RALYL: variants seen among roughly 807,000 people sequenced by gnomAD.
RALYL encodes the protein RNA-binding Raly-like protein.
Under a neutral mutation model 35.1 loss-of-function variants are expected in RALYL, and 29 were observed. The ratio of observed to expected loss-of-function variants is 0.83; its 90% CI spans 0.61 to 1.13. The LOEUF is 1.13. Among genes scored for constraint, RALYL ranks in the 50% most tolerant of loss-of-function variants. The pLI is 0.00. For synonymous variants in RALYL, 120 were observed against 127.6 expected (o/e 0.94, Z 0.40); for missense variants, 359 against 360.4 (o/e 1.00, Z 0.03).
chr8:84,631,485 A>G (rs1029717008), intron 2 of RALYL, among the ~76,000 whole-genome samples: 1 of 152,032 alleles, frequency 6.6e-6, no homozygotes, highest in Admixed American at 6.6e-5. Context: ...AAATTATATG[A>G]AAATCTTTTG....
intron 4 of RALYL, among the ~76,000 whole-genome samples, chr8:84,816,081 A>C (rs937850122): frequency 4.6e-5 from 7 of 151,738 alleles, no homozygotes; most frequent in Non-Finnish European, 1.0e-4. Flanking sequence ...GTGAATAAGC[A>C]CAGAGTGATC....
At chr8:84,599,193 C>T (rs1815313208) in intron 2 of RALYL, among the ~76,000 whole-genome samples, 1 of 151,946 alleles carries the variant, frequency 6.6e-6, no homozygotes, top group South Asian at 2.1e-4. Flanking sequence ...TTGCCATTCT[C>T]TTTATTATCA....
chr8:84,322,522 A>G (rs1845056894), intron 1 of RALYL, among the ~76,000 whole-genome samples: 1 of 152,098 alleles, frequency 6.6e-6, no homozygotes, highest in Admixed American at 6.6e-5. Context: ...TCATTTGCAG[A>G]TGAGGAAACT....
chr8:84,661,873 C>G (rs1192957878), intron 2 of RALYL, among the ~76,000 whole-genome samples: 1 of 151,326 alleles, frequency 6.6e-6, no homozygotes, highest in Non-Finnish European at 1.5e-5. Flanking sequence ...AGGAATTATG[C>G]AAAACCCCTT....
At chr8:84,759,886 A>G (rs147081937) in intron 2 of RALYL, among the ~76,000 whole-genome samples, 222 of 152,258 alleles carry the variant, frequency 1.5e-3, no homozygotes, top group Middle Eastern at 6.8e-3. Context: ...GATAAACAAT[A>G]TCTTTTTAAA....
At chr8:84,636,726 G>A (rs558631847) in intron 2 of RALYL, among the ~76,000 whole-genome samples, 1 of 151,806 alleles carries the variant, frequency 6.6e-6, no homozygotes, top group African/African-American at 2.4e-5. Flanking sequence ...CTTTTAGACT[G>A]GTTTCTTTTT....
chr8:84,276,950 C>G (rs1217521494), intron 1 of RALYL, among the ~76,000 whole-genome samples: 1 of 152,114 alleles, frequency 6.6e-6, no homozygotes, highest in Non-Finnish European at 1.5e-5. Context: ...AAAAAATAAA[C>G]AGATAATTTT....
intron 1 of RALYL, among the ~76,000 whole-genome samples, chr8:84,207,104 A>G (rs141430893): frequency 0.012 from 1,856 of 152,228 alleles, 44 homozygotes; most frequent in African/African-American, 0.043. Context: ...AGAAAACAGT[A>G]TGGAGATTAC....
intron 1 of RALYL, among the ~76,000 whole-genome samples, chr8:84,497,970 T>C (rs1192710637): frequency 2.2e-5 from 3 of 138,734 alleles, no homozygotes; most frequent in Non-Finnish European, 4.8e-5. Flanking sequence ...TTTTTTTTTT[T>C]TGTTTTCAAC....
chr8:84,801,368 T>A (rs1198174077), intron 3 of RALYL, among the ~76,000 whole-genome samples: 4 of 152,196 alleles, frequency 2.6e-5, no homozygotes, highest in Non-Finnish European at 5.9e-5. Context: ...AGACCCATCA[T>A]CAGAAGACTT....
Position 84,326,282 on chromosome 8 carries a change from T to C in RALYL, c.-24+141858T>C, listed in dbSNP as rs548068769. Among the ~76,000 whole-genome samples, 7 of 152,246 alleles carry C rather than the reference T, an allele frequency of 4.6e-5. No homozygotes were observed. The South Asian group carries it at 1.4e-3, about 32-fold the overall frequency. The stretch of plus-strand genomic sequence containing the variant: ...ACATTCCACTTATTTATTCCTCTAA[T>C]CCTTATACTGTTTTAGATAATATGT... On this transcript the variant is annotated intron_variant, in intron 1 of 8. Coordinates refer to ENST00000521268, the MANE Select transcript of RALYL (RefSeq NM_173848.7).
At chr8:84,338,043 C>T (rs530100522) in intron 1 of RALYL, among the ~76,000 whole-genome samples, 1 of 151,972 alleles carries the variant, frequency 6.6e-6, no homozygotes, top group Non-Finnish European at 1.5e-5. Context: ...TAAACGAGTG[C>T]ACCAAGAAAT....
At chr8:84,899,760 T>C (rs1462804292) in intron 8 of RALYL, among the ~76,000 whole-genome samples, 1 of 152,174 alleles carries the variant, frequency 6.6e-6, no homozygotes. Flanking sequence ...CCACGAGTGA[T>C]AGAAATGCAA....
At chr8:84,669,324 T>C (rs1832722980) in intron 2 of RALYL, among the ~76,000 whole-genome samples, 1 of 152,100 alleles carries the variant, frequency 6.6e-6, no homozygotes, top group African/African-American at 2.4e-5. Flanking sequence ...GGAATTACCA[T>C]TTTGGAACAC....
At chr8:84,547,601 G>A (rs534518634) in intron 2 of RALYL, among the ~76,000 whole-genome samples, 4 of 152,084 alleles carry the variant, frequency 2.6e-5, no homozygotes, top group South Asian at 4.2e-4. Flanking sequence ...GGATGGTCTC[G>A]AACTCCTGAC....
At chr8:84,354,544 A>C (rs913136884) in intron 1 of RALYL, among the ~76,000 whole-genome samples, 3 of 150,400 alleles carry the variant, frequency 2.0e-5, no homozygotes, top group Non-Finnish European at 4.4e-5. Flanking sequence ...TGAAAATTCT[A>C]GCTGTAGCTT....
chr8:84,372,889 T>TTTTTTTTTTTTTTTTGTTTTG (rs1856102177), intron 1 of RALYL, among the ~76,000 whole-genome samples: 1 of 109,604 alleles, frequency 9.1e-6, no homozygotes, highest in African/African-American at 4.3e-5. Flanking sequence ...AGCATCTGTT[T>TTTTTTTTTTTTTTTTGTTTTG]TTTTTTTTTT....
chr8:84,471,477 C>T (rs1240268836), intron 1 of RALYL, among the ~76,000 whole-genome samples: 1 of 151,638 alleles, frequency 6.6e-6, no homozygotes, highest in Non-Finnish European at 1.5e-5. Flanking sequence ...ACATGTAGTC[C>T]TAGCTACTCT....
chr8:84,712,767 G>C (rs1842397127), intron 2 of RALYL, among the ~76,000 whole-genome samples: 1 of 152,086 alleles, frequency 6.6e-6, no homozygotes, highest in Non-Finnish European at 1.5e-5. Flanking sequence ...AAAAAATAAT[G>C]TTAATTTGTA....
Sources: gnomAD v4.1 joint callset for allele counts (sites outside exome capture counted in the v4.1 genomes callset) on GRCh38, gnomAD v4.1.1 for gene constraint, MANE v1.5 for transcripts, NCBI Gene and HGNC (gene_info 2026-07-23, HGNC 2026-07-21) for gene names.